Variants in ACSBG2 observed in about 807,000 individuals in gnomAD.
ACSBG2 encodes long-chain-fatty-acid--CoA ligase ACSBG2.
Under a neutral mutation model 74.7 loss-of-function variants are expected in ACSBG2, and 62 were observed. That is an observed-to-expected ratio of 0.83 (90% CI 0.68 to 1.03). ACSBG2 has a LOEUF of 1.03. Ranked by LOEUF, ACSBG2 falls within the 50% of genes least tolerant of loss-of-function variation. The probability of loss-of-function intolerance (pLI) is 0.00; values close to 1 mark genes in which losing one functional copy is unlikely to be tolerated. For synonymous variants in ACSBG2, 309 were observed against 294.1 expected, an observed-to-expected ratio of 1.05 and a Z score of -0.52; for missense variants, 730 against 817.6, an observed-to-expected ratio of 0.89 and a Z score of 1.31.
chr19:6,188,654 T>TA (rs905841503), intron 13 of ACSBG2, among the ~76,000 whole-genome samples: 2 of 151,574 alleles, frequency 1.3e-5, no homozygotes, highest in Non-Finnish European at 2.9e-5. Flanking sequence ...CAAACAAAAA[T>TA]AAAAAAGGAA....
chr19:6,166,093 T>G, intron 7 of ACSBG2, 78 bp downstream of exon 7: 1 of 1,575,416 alleles, frequency 6.3e-7, no homozygotes, highest in Non-Finnish European at 8.7e-7. Context: ...CAGGGTGGCA[T>G]TCCAGGGTCT....
In ACSBG2 at chr19:6,141,742, C is replaced by CG. The variant is rs2088845630; in HGVS notation, c.67+132_67+133insG. The stretch of plus-strand genomic sequence containing the variant: ...ACCCTGCTGACCCCGACCCCCCACC[C>CG]TTTTGTTTTGAGACAGGGTCTTGCT... On this transcript the variant is annotated intron_variant, in intron 2 of 14. Transcript: ENST00000588485. 6.2e-6 allele frequency: 4 copies of CG among 640,012 alleles called. No individual in the cohort carries two copies. In the East Asian group the frequency reaches 1.1e-4, roughly 18 times the overall value. 39.6% of individuals were successfully genotyped at this position (640,012 alleles called of 1,614,324 possible). A position where few individuals can be genotyped will look rare whatever the true frequency, so the allele number is the denominator to read the frequency against.
chr19:6,147,891 T>C (rs186594854), intron 3 of ACSBG2, among the ~76,000 whole-genome samples: 237 of 152,298 alleles, frequency 1.6e-3, no homozygotes, highest in Non-Finnish European at 3.0e-3. Context: ...GGAAATAAAT[T>C]ATGCATAAAT....
At position 6,182,777 on chromosome 19, in the gene ACSBG2, G is replaced by A. The variant is rs768241359; in HGVS notation, c.933G>A (p.Glu311=). 4.2e-5 allele frequency: 68 copies of A among 1,614,032 alleles called. No homozygotes were observed. In the East Asian group the frequency reaches 1.3e-3, roughly 30 times the overall value. The part of the protein sequence containing the change: ...LKGTLVSTLK[E]VKPTVFIGVP... Reference sequence around the variant, plus strand: ...GCACCTTGGTAAGTACTCTAAAGGAGGTAAAACCTACTGTCTTCATTGGAG... The same window carrying A: ...GCACCTTGGTAAGTACTCTAAAGGAAGTAAAACCTACTGTCTTCATTGGAG... Residue 311 remains glutamate, a synonymous_variant, in exon 9 of 15, where the codon GAG becomes GAA. Transcript: ENST00000588485.
intron 4 of ACSBG2, 55 bp downstream of exon 4, chr19:6,151,850 T>A: frequency 6.6e-7 from 1 of 1,504,692 alleles, no homozygotes; most frequent in Non-Finnish European, 9.1e-7. Context: ...ACCCTGGGCC[T>A]GGGACCCCTG....
intron 11 of ACSBG2, among the ~76,000 whole-genome samples, chr19:6,186,209 T>C (rs916778068): frequency 6.6e-6 from 1 of 152,200 alleles, no homozygotes; most frequent in Non-Finnish European, 1.5e-5. Context: ...CAACTTTTCC[T>C]GAAGAGGGCC....
At chr19:6,142,826 T>C (rs1435287800) in intron 2 of ACSBG2, among the ~76,000 whole-genome samples, 1 of 151,604 alleles carries the variant, frequency 6.6e-6, no homozygotes, top group African/African-American at 2.4e-5. Context: ...AAGTACACAT[T>C]CAAGGAGAGG....
At chr19:6,149,504 CTTTTT>C (rs556996493) in intron 3 of ACSBG2, among the ~76,000 whole-genome samples, 16 of 127,912 alleles carry the variant, frequency 1.3e-4, no homozygotes, top group Non-Finnish European at 1.1e-4. Context: ...ACATGTGCAA[CTTTTT>C]TTTTTTTTTT....
chr19:6,168,139 C>T (rs1007316137), intron 7 of ACSBG2, among the ~76,000 whole-genome samples: 3 of 152,038 alleles, frequency 2.0e-5, no homozygotes, highest in Non-Finnish European at 4.4e-5. Flanking sequence ...AAGCCTAGCC[C>T]CATCTCCCTT....
At position 6,187,295 on chromosome 19, in the gene ACSBG2, C is replaced by T. The variant is rs758167112; in HGVS notation, c.1553C>T (p.Thr518Ile). The change falls in exon 12 of 15, where the codon ACT (threonine) becomes ATT (isoleucine). Residue 518 changes from threonine (T) to isoleucine (I), a missense_variant. Transcript: ENST00000588485. ...VTGHIKEILI[T>I]AGGENVPPIP... ...AGCTCTGTTCCAGAAATCCTTATCA[C>T]TGCTGGTGGTGAAAATGTGCCCCCC... 2.5e-6 allele frequency: 4 copies of T among 1,614,210 alleles called. No individual in the cohort carries two copies. Among genetic ancestry groups the T allele is most frequent in the African/African-American group, 1.3e-5 (1 of 75,052 alleles).
chr19:6,187,447 G>C (rs772026088), intron 12 of ACSBG2, 25 bp downstream of exon 12: 1 of 1,613,330 alleles, frequency 6.2e-7, no homozygotes, highest in South Asian at 1.1e-5. Context: ...CTGTCATTGG[G>C]GGAAGTCTCT....
At chr19:6,141,930 T>C (rs770604679) in intron 2 of ACSBG2, among the ~76,000 whole-genome samples, 3 of 152,104 alleles carry the variant, frequency 2.0e-5, no homozygotes, top group Non-Finnish European at 2.9e-5. Context: ...AGGGTTTCGC[T>C]ATGTTCCCCA....
chr19:6,165,228 CAT>C (rs1338296042), intron 6 of ACSBG2, among the ~76,000 whole-genome samples: 1 of 152,216 alleles, frequency 6.6e-6, no homozygotes, highest in African/African-American at 2.4e-5. Flanking sequence ...TGCTTTCTCA[CAT>C]AGTCCTGAGA....
chr19:6,137,799 C>T (rs4290578), intron 1 of ACSBG2, among the ~76,000 whole-genome samples: 85,056 of 151,774 alleles, frequency 0.56, 25,584 homozygotes, highest in East Asian at 0.69. Flanking sequence ...AGGTGCCTGC[C>T]GCCGTGCCTG....
At chr19:6,137,942 C>A (rs1297908313) in intron 1 of ACSBG2, among the ~76,000 whole-genome samples, 1 of 152,204 alleles carries the variant, frequency 6.6e-6, no homozygotes, top group African/African-American at 2.4e-5. Context: ...GCATGAGCCA[C>A]CATGCTTGGC....
intron 8 of ACSBG2, among the ~76,000 whole-genome samples, chr19:6,179,293 A>T (rs912512049): frequency 3.4e-5 from 4 of 118,610 alleles, no homozygotes; most frequent in South Asian, 2.8e-4. Context: ...TCTTTTCTAA[A>T]TTTTTTTTTT....
chr19:6,165,552 C>T (rs77143455), intron 6 of ACSBG2, among the ~76,000 whole-genome samples: 9 of 152,334 alleles, frequency 5.9e-5, no homozygotes, highest in Non-Finnish European at 1.3e-4. Context: ...AACTACTATT[C>T]TGAGCACTTT....
intron 7 of ACSBG2, among the ~76,000 whole-genome samples, chr19:6,168,137 C>T (rs1456392428): frequency 6.6e-6 from 1 of 152,084 alleles, no homozygotes; most frequent in African/African-American, 2.4e-5. Flanking sequence ...GCAAGCCTAG[C>T]CCCATCTCCC....
intron 1 of ACSBG2, among the ~76,000 whole-genome samples, chr19:6,139,614 G>A (rs4331435): frequency 0.59 from 88,731 of 151,572 alleles, 26,829 homozygotes; most frequent in Admixed American, 0.68. Context: ...TGATTCTTGT[G>A]TCAAGCACGC....
Sources: gnomAD v4.1 joint callset for allele counts (sites outside exome capture counted in the v4.1 genomes callset) on GRCh38, gnomAD v4.1.1 for gene constraint, MANE v1.5 for transcripts, NCBI Gene and HGNC (gene_info 2026-07-23, HGNC 2026-07-21) for gene names.